LRRC7: variants seen among roughly 807,000 people sequenced by gnomAD.
LRRC7 encodes the protein leucine rich repeat containing 7, also known as leucine-rich repeat-containing protein 7.
LRRC7 carries 23 observed loss-of-function variants against 175.7 expected under a neutral mutation model. The ratio of observed to expected loss-of-function variants is 0.13; its 90% CI spans 0.09 to 0.19. The LOEUF (loss-of-function observed/expected upper bound fraction) is 0.19. LRRC7 is among the 10% of genes least tolerant of loss of function. The pLI is 1.00. For missense variants in LRRC7, 1,354 were observed against 1,904.7 expected (o/e 0.71, Z 5.38); for synonymous variants, 685 against 680.9 (o/e 1.01, Z -0.09).
intron 3 of LRRC7, among the ~76,000 whole-genome samples, chr1:69,777,451 C>T (rs1275861634): frequency 6.6e-6 from 1 of 152,134 alleles, no homozygotes; most frequent in Non-Finnish European, 1.5e-5. Flanking sequence ...TGGGTTATCA[C>T]CTTCATCTAT....
At chr1:70,038,064 G>T in intron 20 of LRRC7, 49 bp from the exon 21 acceptor site, 2 of 1,538,998 alleles carry the variant, frequency 1.3e-6, no homozygotes, top group South Asian at 1.3e-5. Flanking sequence ...TTCTGCCAAA[G>T]ACCCAACTCT....
intron 7 of LRRC7, among the ~76,000 whole-genome samples, chr1:69,875,597 A>G (rs1407737120): frequency 1.3e-5 from 2 of 152,012 alleles, no homozygotes; most frequent in African/African-American, 4.8e-5. Context: ...ATTCATTCAT[A>G]ATATTTGTGT....
chr1:69,993,775 T>C (rs966586977), intron 10 of LRRC7, among the ~76,000 whole-genome samples: 2 of 152,220 alleles, frequency 1.3e-5, no homozygotes, highest in African/African-American at 4.8e-5. Context: ...TTGTTAAGTG[T>C]TAATGCTTTG....
At chr1:69,717,822 GA>G (rs1269492557) in intron 2 of LRRC7, among the ~76,000 whole-genome samples, 699 of 23,090 alleles carry the variant, frequency 0.03, 108 homozygotes, top group African/African-American at 0.059. Context: ...AAGAAAGAAA[GA>G]AAGAAAGAAA....
intron 7 of LRRC7, among the ~76,000 whole-genome samples, chr1:69,887,927 C>CTCAGGGG (rs932441734): frequency 1.1e-4 from 16 of 146,488 alleles, no homozygotes; most frequent in Admixed American, 4.1e-4. Context: ...AGTTAGGCTG[C>CTCAGGGG]TCAGGGGTCA....
intron 24 of LRRC7, among the ~76,000 whole-genome samples, chr1:70,076,698 C>T (rs773901370): frequency 2.0e-4 from 31 of 152,098 alleles, no homozygotes; most frequent in Non-Finnish European, 3.7e-4. Context: ...TATTATTTCC[C>T]CCATCTGTGG....
chr1:69,848,851 A>G (rs541563936), intron 7 of LRRC7, among the ~76,000 whole-genome samples: 146 of 152,196 alleles, frequency 9.6e-4, no homozygotes, highest in African/African-American at 3.4e-3. Flanking sequence ...AATTAACTTC[A>G]TGATATTAAT....
intron 2 of LRRC7, among the ~76,000 whole-genome samples, chr1:69,685,554 T>C (rs780902718): frequency 1.2e-4 from 18 of 152,014 alleles, no homozygotes; most frequent in Non-Finnish European, 7.4e-5. Context: ...AAATGGAAAT[T>C]ATGTAACTGA....
intron 1 of LRRC7, among the ~76,000 whole-genome samples, chr1:69,586,793 C>T (rs41518250): frequency 0.025 from 3,747 of 152,142 alleles, 132 homozygotes; most frequent in African/African-American, 0.085. Context: ...ATATTTGCGC[C>T]TTAATTCTTT....
intron 1 of LRRC7, among the ~76,000 whole-genome samples, chr1:69,634,575 A>G (rs942638354): frequency 6.6e-6 from 1 of 152,104 alleles, no homozygotes; most frequent in African/African-American, 2.4e-5. Flanking sequence ...TGTAACTTTT[A>G]TGTTTTCCGG....
intron 3 of LRRC7, among the ~76,000 whole-genome samples, chr1:69,765,446 A>C (rs1021503487): frequency 6.6e-6 from 1 of 152,116 alleles, no homozygotes; most frequent in Non-Finnish European, 1.5e-5. Flanking sequence ...CTTTCCACCC[A>C]ATGCAGAATC....
chr1:69,948,903 C>G (rs2101817012), intron 8 of LRRC7, among the ~76,000 whole-genome samples: 1 of 152,286 alleles, frequency 6.6e-6, no homozygotes, highest in South Asian at 2.1e-4. Context: ...CCTTCTATAT[C>G]TGACTCTATT....
At chr1:69,907,431 T>C (rs538899805) in intron 7 of LRRC7, among the ~76,000 whole-genome samples, 1 of 152,314 alleles carries the variant, frequency 6.6e-6, no homozygotes, top group East Asian at 1.9e-4. Flanking sequence ...TTGAGATATG[T>C]CCCATCCATA....
intron 1 of LRRC7, among the ~76,000 whole-genome samples, chr1:69,580,967 A>G (rs1646176364): frequency 6.6e-6 from 1 of 152,204 alleles, no homozygotes; most frequent in Non-Finnish European, 1.5e-5. Flanking sequence ...GAAAGAAGAT[A>G]GGAGTAATGG....
chr1:70,036,075 T>G, intron 18 of LRRC7, 46 bp from the exon 19 acceptor site: 1 of 1,456,260 alleles, frequency 6.9e-7, no homozygotes, highest in Non-Finnish European at 9.4e-7. Flanking sequence ...GGTTAACCAT[T>G]GTTTAAATGT....
chr1:69,633,015 A>C (rs990593777), intron 1 of LRRC7, among the ~76,000 whole-genome samples: 3 of 152,068 alleles, frequency 2.0e-5, no homozygotes, highest in African/African-American at 7.2e-5. Context: ...TAGAGTATTT[A>C]CAATTGTACT....
chr1:69,712,503 C>G (rs1664877795), intron 2 of LRRC7, among the ~76,000 whole-genome samples: 1 of 152,004 alleles, frequency 6.6e-6, no homozygotes, highest in East Asian at 1.9e-4. Flanking sequence ...ATTCAGGAGG[C>G]AGAGGCAGGG....
chr1:69,775,424 G>T (rs745958797), intron 3 of LRRC7, among the ~76,000 whole-genome samples: 2 of 152,154 alleles, frequency 1.3e-5, no homozygotes, highest in Non-Finnish European at 2.9e-5. Context: ...CATTCTAGAA[G>T]TGAGTCCAAA....
At chr1:69,595,592 C>T (rs555574307) in intron 1 of LRRC7, among the ~76,000 whole-genome samples, 1 of 147,658 alleles carries the variant, frequency 6.8e-6, no homozygotes, top group South Asian at 2.2e-4. Flanking sequence ...GCTGCAAGTA[C>T]TAACTTTACA....
Sources: allele counts gnomAD v4.1 joint callset (sites outside exome capture counted in the v4.1 genomes callset), GRCh38; gene constraint gnomAD v4.1.1; transcripts MANE v1.5; gene names NCBI Gene and HGNC (gene_info 2026-07-23, HGNC 2026-07-21).